Variants in ZNF503 observed in about 807,000 individuals in gnomAD.
ZNF503 encodes NocA-like zinc finger 2.
ZNF503 carries 15 observed loss-of-function variants against 34.4 expected under a neutral mutation model. That is an observed-to-expected ratio of 0.44 (90% confidence interval 0.29 to 0.67). The LOEUF (loss-of-function observed/expected upper bound fraction) is 0.67, where lower values mean the gene tolerates loss of function less well. Among genes scored for constraint, ZNF503 ranks in the 30% least tolerant of loss-of-function variants. The probability of loss-of-function intolerance (pLI) is 0.13; values close to 1 mark genes in which losing one functional copy is unlikely to be tolerated. For missense variants in ZNF503, 1,007 were observed against 926.8 expected (o/e 1.09, Z -1.12); for synonymous variants, 580 against 456.8 (o/e 1.27, Z -3.44).
At chr10:75,325,762 C>T in the ZNF503 span, among the ~76,000 whole-genome samples, 8 of 145,390 alleles carry the variant, frequency 5.5e-5, no homozygotes, top group East Asian at 1.6e-3. Flanking sequence ...CATATCTTTC[C>T]ATTTATTTAG....
Position 75,399,891 on chromosome 10 carries a change from T to G in ZNF503, c.799A>C (p.Thr267Pro). 6.2e-7 allele frequency: 1 copy of G among 1,601,804 alleles called. No homozygotes were observed. The highest frequency in any genetic ancestry group is 8.5e-7 in the Non-Finnish European group (1 of 1,176,208). ...DTDVGGGGKG[T>P]GGASAEGGPT... is the part of the protein sequence containing the mutation. ...CCCCCTTCGGCCGAGGCGCCCCCGG[T>G]GCCCTTGCCACCGCCGCCCACGTCG... The change falls in exon 2 of 2, where the codon ACC (threonine) becomes CCC (proline). Residue 267 changes from threonine (T) to proline (P), a missense_variant. Thr to Pro is a conservative substitution (Grantham distance 38). Transcript: ENST00000372524.
In ZNF503 at chr10:75,398,616, A is replaced by T; in HGVS notation, c.*133T>A. 2 of 778,002 alleles carry T rather than the reference A, an allele frequency of 2.6e-6. No individual in the cohort carries two copies. Among genetic ancestry groups the T allele is most frequent in the Non-Finnish European group, 3.5e-6 (2 of 566,138 alleles). The allele number at this position is 778,002 out of a possible 1,614,324, so 48.2% of individuals were successfully genotyped here. ...GCTGTCGGGTAGATAGATACGGTATACATTTCTTTCCTTTCGTGGCCCGAG... is the reference window on the plus strand; with the variant it reads ...GCTGTCGGGTAGATAGATACGGTATTCATTTCTTTCCTTTCGTGGCCCGAG... On this transcript the variant is annotated 3_prime_UTR_variant, in exon 2 of 2. Transcript: ENST00000372524.
chr10:75,295,507 G>A, the ZNF503 span: 2 of 152,204 alleles, frequency 1.3e-5, no homozygotes, highest in Admixed American at 6.5e-5. The surrounding 1 kb of genome is among the most constrained non-coding windows in gnomAD (Gnocchi z 4.0). Context: ...TTTGGAACAT[G>A]AAAAACAGCA....
At chr10:75,353,116 T>C in the ZNF503 span, among the ~76,000 whole-genome samples, 6 of 152,202 alleles carry the variant, frequency 3.9e-5, no homozygotes, top group Admixed American at 1.3e-4. Context: ...GTAGAGGCCA[T>C]TTATAAGTTA....
the ZNF503 span, among the ~76,000 whole-genome samples, chr10:75,333,559 G>T: frequency 2.1e-5 from 1 of 47,604 alleles, no homozygotes; most frequent in African/African-American, 9.6e-5. Flanking sequence ...CTCACCTCCC[G>T]GACGGGGCAG....
chr10:75,328,024 A>G, the ZNF503 span, among the ~76,000 whole-genome samples: 1 of 152,078 alleles, frequency 6.6e-6, no homozygotes, highest in Non-Finnish European at 1.5e-5. Flanking sequence ...AATAGTTTGA[A>G]AATGTTTTCT....
At chr10:75,382,314 G>GA in the ZNF503 span, 4 of 256,374 alleles carry the variant, frequency 1.6e-5, no homozygotes, top group Middle Eastern at 1.3e-3. Context: ...CCTTACTAAG[G>GA]AAAAAATGGG....
At chr10:75,369,028 C>T in the ZNF503 span, among the ~76,000 whole-genome samples, 206 of 152,242 alleles carry the variant, frequency 1.4e-3, 1 homozygote, top group African/African-American at 4.6e-3. Flanking sequence ...ACTATGCAAA[C>T]ATCAATAGGA....
the ZNF503 span, among the ~76,000 whole-genome samples, chr10:75,300,631 A>G: frequency 6.6e-6 from 1 of 152,008 alleles, no homozygotes; most frequent in African/African-American, 2.4e-5. Flanking sequence ...TTCTTCTGCC[A>G]TGGCTTCAGC....
chr10:75,389,666 G>T, the ZNF503 span, among the ~76,000 whole-genome samples: 1 of 152,118 alleles, frequency 6.6e-6, no homozygotes, highest in Non-Finnish European at 1.5e-5. Flanking sequence ...GGAGGCAGAG[G>T]TTGCAGTGAG....
chr10:75,401,345 G>A lies in ZNF503; in HGVS notation c.75C>T (p.Gly25=), dbSNP rs1429677828. 1 of 1,483,660 alleles carries A rather than the reference G, an allele frequency of 6.7e-7. No individual in the cohort carries two copies. The highest frequency in any genetic ancestry group is 8.8e-7 in the Non-Finnish European group (1 of 1,134,926). The allele number at this position is 1,483,660 out of a possible 1,614,324, so 91.9% of individuals were successfully genotyped here. Residue 25 remains glycine, a synonymous_variant, in exon 1 of 2, where the codon GGC becomes GGT. Transcript: ENST00000372524. ...HSGGGGGGGG[G]GGADPAWTSA... The stretch of plus-strand genomic sequence containing the variant: ...TGGTCCAGGCAGGGTCTGCACCGCC[G>A]CCTCCGCCTCCGCCGCCGCCGCCGC...
downstream of ZNF503, among the ~76,000 whole-genome samples, chr10:75,396,759 C>G (rs776709641): frequency 2.6e-5 from 4 of 152,084 alleles, no homozygotes; most frequent in Non-Finnish European, 4.4e-5. This position sits in a 1 kb window ranked among gnomAD's most constrained non-coding sequence, Gnocchi z 4.4. Flanking sequence ...GCTCTGGGCT[C>G]AGAGCTCCCA....
downstream of ZNF503, among the ~76,000 whole-genome samples, chr10:75,394,117 C>T (rs542046761): frequency 4.8e-4 from 73 of 152,320 alleles, no homozygotes; most frequent in African/African-American, 1.7e-3. Context: ...CTTTCCGCTG[C>T]TGAGCCTCAG....
chr10:75,351,423 C>T, the ZNF503 span, among the ~76,000 whole-genome samples: 4 of 152,142 alleles, frequency 2.6e-5, no homozygotes, highest in Non-Finnish European at 4.4e-5. Context: ...CTGCCCATCT[C>T]GGCCTCCCAA....
At chr10:75,346,675 C>T in the ZNF503 span, among the ~76,000 whole-genome samples, 1 of 152,244 alleles carries the variant, frequency 6.6e-6, no homozygotes, top group African/African-American at 2.4e-5. Context: ...CTCCTGAGCT[C>T]AAGTGATCTG....
downstream of ZNF503, among the ~76,000 whole-genome samples, chr10:75,396,702 C>T (rs1191378933): frequency 6.6e-6 from 1 of 151,948 alleles, no homozygotes; most frequent in Admixed American, 6.6e-5. This position sits in a 1 kb window ranked among gnomAD's most constrained non-coding sequence, Gnocchi z 4.4. Flanking sequence ...GTTTGGGGTG[C>T]GCTCTCAGAG....
chr10:75,383,311 G>C, the ZNF503 span, among the ~76,000 whole-genome samples: 119 of 152,214 alleles, frequency 7.8e-4, 1 homozygote, highest in African/African-American at 2.7e-3. Flanking sequence ...CTCTATTCTA[G>C]GGTGCTCCTC....
chr10:75,301,023 C>T, the ZNF503 span, among the ~76,000 whole-genome samples: 115,351 of 151,810 alleles, frequency 0.76, 44,486 homozygotes, highest in African/African-American at 0.86. Flanking sequence ...ACATTTCTTA[C>T]ATTAAAATCT....
chr10:75,308,912 GCTTACTGCAAC>G, the ZNF503 span, among the ~76,000 whole-genome samples: 1 of 152,104 alleles, frequency 6.6e-6, no homozygotes, highest in Non-Finnish European at 1.5e-5. Flanking sequence ...TGTGATCTTG[GCTTACTGCAAC>G]CTCTGCTTCC....
Sources: allele counts gnomAD v4.1 joint callset (sites outside exome capture counted in the v4.1 genomes callset), GRCh38; gene constraint gnomAD v4.1.1; non-coding constraint Gnocchi (gnomAD v3.1); transcripts MANE v1.5; gene names NCBI Gene and HGNC (gene_info 2026-07-23, HGNC 2026-07-21).